Variants in MCF2L2 observed in about 807,000 individuals in gnomAD.
MCF2L2 encodes the protein probable guanine nucleotide exchange factor MCF2L2.
Under a neutral mutation model 150.2 loss-of-function variants are expected in MCF2L2, and 102 were observed. The observed-to-expected ratio is 0.68, with a 90% confidence interval of 0.58 to 0.80. The LOEUF (loss-of-function observed/expected upper bound fraction) is 0.80, where lower values mean the gene tolerates loss of function less well. Among genes scored for constraint, MCF2L2 ranks in the 30% least tolerant of loss-of-function variants. The pLI is 0.00. For synonymous variants in MCF2L2, 465 were observed against 491.3 expected, an observed-to-expected ratio of 0.95 and a Z score of 0.71; for missense variants, 1,256 against 1,372.8, an observed-to-expected ratio of 0.91 and a Z score of 1.34.
At chr3:183,191,061 A>AT (rs1721870605) in intron 27 of MCF2L2, among the ~76,000 whole-genome samples, 1 of 151,500 alleles carries the variant, frequency 6.6e-6, no homozygotes, top group Non-Finnish European at 1.5e-5. Context: ...AATTTTTTGT[A>AT]TTTTTAGTTT....
At chr3:183,280,845 C>CAA (rs201596744) in intron 14 of MCF2L2, among the ~76,000 whole-genome samples, 242 of 69,388 alleles carry the variant, frequency 3.5e-3, no homozygotes, top group African/African-American at 0.01. Flanking sequence ...GAGTCTCTGT[C>CAA]AAAAAAAAAA....
chr3:183,245,442 G>A (rs1230116348), intron 15 of MCF2L2, among the ~76,000 whole-genome samples: 2 of 152,126 alleles, frequency 1.3e-5, no homozygotes, highest in African/African-American at 4.8e-5. Context: ...TTTGGATGGG[G>A]GCTGGGAGGC....
chr3:183,303,613 C>T (rs1376314721), intron 10 of MCF2L2, among the ~76,000 whole-genome samples: 4 of 152,202 alleles, frequency 2.6e-5, no homozygotes, highest in Non-Finnish European at 5.9e-5. Context: ...CAGGGACCGT[C>T]GCCTTCTTAA....
chr3:183,219,050 A>G (rs1576932561), intron 21 of MCF2L2, among the ~76,000 whole-genome samples: 1 of 152,198 alleles, frequency 6.6e-6, no homozygotes, highest in Admixed American at 6.5e-5. Flanking sequence ...CCGCACTGCT[A>G]TAACACAGAT....
intron 14 of MCF2L2, among the ~76,000 whole-genome samples, chr3:183,280,772 C>T (rs1018216967): frequency 2.0e-5 from 3 of 150,054 alleles, no homozygotes; most frequent in Non-Finnish European, 4.4e-5. Flanking sequence ...CGCTTGAACC[C>T]GGGAGACGGA....
In MCF2L2 at chr3:183,280,358, CTTTTT is replaced by C. The variant is rs1727399213; in HGVS notation, c.1777-3406_1777-3402del. ...AGTTTCTCCAAAGGACATATAAACC[CTTTTT>C]AAACTTAGATTTTGAAAAGTCCCAA... On this transcript the variant is annotated intron_variant, in intron 14 of 29. Coordinates refer to ENST00000328913, the MANE Select transcript of MCF2L2 (RefSeq NM_015078.4). Among the ~76,000 whole-genome samples the C allele has an allele frequency of 3.3e-5, 5 of 151,880 alleles. No homozygotes were observed. The South Asian group carries it at 1.0e-3, about 32-fold the overall frequency.
rs577618550 is a variant in MCF2L2, at chr3:183,313,912, T to C, written c.754-2140A>G. ...CCACCACCTTGGAACAGGATCCAAC[T>C]GGCAGACGAGGTGGAGGTGCCGTTG... On this transcript the variant is annotated intron_variant, in intron 7 of 29. Coordinates refer to ENST00000328913, the MANE Select transcript of MCF2L2 (RefSeq NM_015078.4). Among the ~76,000 whole-genome samples the C allele has an allele frequency of 1.2e-4, 19 of 152,308 alleles. No individual in the cohort carries two copies. The South Asian group carries it at 3.9e-3, about 32-fold the overall frequency.
intron 4 of MCF2L2, 62 bp from the exon 5 acceptor site, chr3:183,338,981 C>A: frequency 6.6e-7 from 1 of 1,517,120 alleles, no homozygotes; most frequent in South Asian, 1.3e-5. Flanking sequence ...TTACCAGGGT[C>A]TACTTTGGTC....
intron 7 of MCF2L2, among the ~76,000 whole-genome samples, chr3:183,316,680 G>T (rs1045169372): frequency 2.0e-5 from 3 of 148,132 alleles, no homozygotes; most frequent in African/African-American, 7.6e-5. Flanking sequence ...AGTAATCTTT[G>T]GAATATATTT....
intron 2 of MCF2L2, among the ~76,000 whole-genome samples, chr3:183,388,262 A>G (rs1445995981): frequency 6.6e-6 from 1 of 152,190 alleles, no homozygotes; most frequent in Non-Finnish European, 1.5e-5. Context: ...GCTTTAGTCT[A>G]AGGCTCTAGG....
rs115763563 is a variant in MCF2L2 at position 183,182,267 on chromosome 3, G to A, written c.3017-2108C>T. ...GACTGTCAGCGCAGGCCCTGACAAC[G>A]CAGAGAAAGACACAGGACCCACCTG... On this transcript the variant is annotated intron_variant, in intron 27 of 29. Coordinates refer to ENST00000328913, the MANE Select transcript of MCF2L2 (RefSeq NM_015078.4). Among the ~76,000 whole-genome samples the A allele has an allele frequency of 4.1e-3, 627 of 152,198 alleles. 5 individuals carry two copies. Among genetic ancestry groups the A allele is most frequent in the African/African-American group, 0.014 (575 of 41,520 alleles).
intron 15 of MCF2L2, among the ~76,000 whole-genome samples, chr3:183,259,094 C>T (rs1366011234): frequency 6.6e-6 from 1 of 152,152 alleles, no homozygotes; most frequent in African/African-American, 2.4e-5. Context: ...CATGAACGTA[C>T]ACGACCAACT....
In MCF2L2 at chr3:183,389,711, A is replaced by G; in HGVS notation, c.145T>C (p.Phe49Leu). Residue 49 changes from phenylalanine to leucine, a missense_variant, in exon 2 of 30, where the codon TTT becomes CTT. Phe to Leu is a conservative substitution (Grantham distance 22). Coordinates refer to ENST00000328913, the MANE Select transcript of MCF2L2 (RefSeq NM_015078.4). ...VEIIEQLHRQ[F>L]AILSGGRGED... ...TGCCCCTTACCTGAAAGAATGGCAA[A>G]TTGTCTGTGAAGTTGTTCTATTATC... 6.2e-7 allele frequency: 1 copy of G among 1,614,082 alleles called. No homozygotes were observed. The highest frequency in any genetic ancestry group is 8.5e-7 in the Non-Finnish European group (1 of 1,179,966).
At position 183,276,969 on chromosome 3, in the gene MCF2L2, G is replaced by T. The variant is rs752186339; in HGVS notation, c.1777-12C>A. 17 of 1,570,428 alleles carry T rather than the reference G, an allele frequency of 1.1e-5. No homozygotes were observed. Among genetic ancestry groups the T allele is most frequent in the Non-Finnish European group, 1.4e-5 (16 of 1,148,618 alleles). On this transcript the variant is annotated splice_polypyrimidine_tract_variant and intron_variant, in intron 14 of 29. Coordinates refer to ENST00000328913, the MANE Select transcript of MCF2L2 (RefSeq NM_015078.4). ...AAGATTTCTTCACTCTGAAGTGAAA[G>T]AAATTTTGGTAAGATTTGATATTGT...
At chr3:183,301,444 A>AG (rs1454379161) in intron 10 of MCF2L2, among the ~76,000 whole-genome samples, 1 of 152,164 alleles carries the variant, frequency 6.6e-6, no homozygotes, top group East Asian at 1.9e-4. Context: ...TCGGATGGTG[A>AG]GACAGTCTCC....
chr3:183,419,771 G>T (rs1396509783), intron 1 of MCF2L2, among the ~76,000 whole-genome samples: 1 of 152,206 alleles, frequency 6.6e-6, no homozygotes, highest in Non-Finnish European at 1.5e-5. Flanking sequence ...TACTCGGGAG[G>T]CTGAAACACG....
chr3:183,249,762 T>C (rs953588489), intron 15 of MCF2L2, among the ~76,000 whole-genome samples: 1 of 152,184 alleles, frequency 6.6e-6, no homozygotes, highest in Non-Finnish European at 1.5e-5. Context: ...CTTGGTGGCA[T>C]CAAAGGAGAC....
At chr3:183,360,013 A>G (rs1712030762) in intron 3 of MCF2L2, among the ~76,000 whole-genome samples, 2 of 152,226 alleles carry the variant, frequency 1.3e-5, no homozygotes, top group Non-Finnish European at 2.9e-5. Flanking sequence ...TCATTAACCA[A>G]TGATGAAATA....
At chr3:183,241,741 T>G (rs1724035577) in intron 15 of MCF2L2, among the ~76,000 whole-genome samples, 1 of 152,112 alleles carries the variant, frequency 6.6e-6, no homozygotes, top group Non-Finnish European at 1.5e-5. Flanking sequence ...TGCTGCAGTA[T>G]CTGAAAATGT....
Sources: allele counts gnomAD v4.1 joint callset (sites outside exome capture counted in the v4.1 genomes callset), GRCh38; gene constraint gnomAD v4.1.1; transcripts MANE v1.5; gene names NCBI Gene and HGNC (gene_info 2026-07-23, HGNC 2026-07-21).